Variants in FAM133A observed in about 807,000 individuals in gnomAD.
FAM133A encodes family with sequence similarity 133 member A, also known as protein FAM133A.
For missense variants in FAM133A, 159 were observed against 164.4 expected (o/e 0.97, Z 0.18); for synonymous variants, 65 against 58.6 (o/e 1.11, Z -0.50).
At chrX:93,702,153 C>T (rs938485525) in intron 3 of FAM133A, among the ~76,000 whole-genome samples, 1 of 111,625 alleles carries the variant, frequency 9.0e-6, no homozygotes, top group African/African-American at 3.3e-5. Context: ...ATTGAGAAGG[C>T]CTGGAAGAAA....
At chrX:93,689,056 T>A (rs1925726770) in intron 2 of FAM133A, among the ~76,000 whole-genome samples, 1 of 109,264 alleles carries the variant, frequency 9.2e-6, no homozygotes, top group Non-Finnish European at 1.9e-5. Flanking sequence ...AGCAATTTTT[T>A]TTTTTTTTTT....
chrX:93,706,371 C>A (rs1475659824), intron 3 of FAM133A, among the ~76,000 whole-genome samples: 2 of 111,555 alleles, frequency 1.8e-5, no homozygotes, highest in Non-Finnish European at 3.8e-5. Flanking sequence ...TCATTCACTG[C>A]CAACCCCTTG....
intron 2 of FAM133A, among the ~76,000 whole-genome samples, chrX:93,698,091 G>A (rs983731845): frequency 1.8e-5 from 2 of 111,166 alleles, no homozygotes; most frequent in Non-Finnish European, 3.8e-5. Flanking sequence ...GAAGGAATAC[G>A]TTAGGTAAAC....
intron 2 of FAM133A, among the ~76,000 whole-genome samples, chrX:93,697,190 T>TATATATATAA (rs1176351541): frequency 4.4e-4 from 43 of 97,834 alleles, no homozygotes; most frequent in East Asian, 2.9e-3. Flanking sequence ...TATATATATA[T>TATATATATAA]AATATATCAT....
intron 2 of FAM133A, among the ~76,000 whole-genome samples, chrX:93,686,578 C>A (rs1050306264): frequency 8.9e-6 from 1 of 111,892 alleles, no homozygotes; most frequent in Non-Finnish European, 1.9e-5. Flanking sequence ...ACTGAAGTAG[C>A]CCTGCAGACC....
chrX:93,709,727 G>A lies in FAM133A; in HGVS notation c.308G>A (p.Arg103Gln), dbSNP rs759646883. 28 of 1,193,861 alleles carry A rather than the reference G, an allele frequency of 2.3e-5. No individual in the cohort carries two copies. The highest frequency in any genetic ancestry group is 1.5e-4 in the South Asian group (8 of 53,904). The part of the protein sequence containing the change: ...RKKKRKKKSC[R>Q]SSSSSSSSDS... ...AAAAAGAGAAAGAAGAAATCTTGTC[G>A]GTCTTCATCTTCTTCATCAAGCTCT... The change falls in exon 4 of 4, where the codon CGG (arginine) becomes CAG (glutamine). Residue 103 changes from arginine to glutamine, a missense_variant. By Grantham distance (43) the Arg-to-Gln change is conservative. Coordinates refer to ENST00000683942, the MANE Select transcript of FAM133A (RefSeq NM_001171109.2).
At chrX:93,679,873 C>A (rs746256147) in intron 2 of FAM133A, among the ~76,000 whole-genome samples, 1 of 98,209 alleles carries the variant, frequency 1.0e-5, no homozygotes, top group South Asian at 5.0e-4. Context: ...CTCAGTCTCC[C>A]GTGTAGCTGG....
chrX:93,700,095 C>A (rs191060012), intron 3 of FAM133A, among the ~76,000 whole-genome samples: 2 of 109,393 alleles, frequency 1.8e-5, no homozygotes, highest in African/African-American at 6.6e-5. Flanking sequence ...AAGTTTTTTC[C>A]TAAAATAATT....
At position 93,688,676 on chromosome X, in the gene FAM133A, G is replaced by A. The variant is rs929382574; in HGVS notation, c.-192-9721G>A. ...ATGATGAATGAATGCAAGAATGTGA[G>A]TCATTAATTTAAATCAATATTAATT... is the stretch of plus-strand genomic sequence containing the variant. On this transcript the variant is annotated intron_variant, in intron 2 of 3. Transcript: ENST00000683942. Among the ~76,000 whole-genome samples, 11 of 111,228 alleles carry A rather than the reference G, an allele frequency of 9.9e-5. 1 individual carries two copies. Among genetic ancestry groups the A allele is most frequent in the African/African-American group, 3.6e-4 (11 of 30,616 alleles).
At chrX:93,708,807 T>C (rs771152864) in intron 3 of FAM133A, among the ~76,000 whole-genome samples, 6 of 111,553 alleles carry the variant, frequency 5.4e-5, no homozygotes, top group Non-Finnish European at 1.1e-4. Context: ...AGTGAATGGA[T>C]ATGAGGCCTA....
At chrX:93,706,985 C>A in intron 3 of FAM133A, among the ~76,000 whole-genome samples, 1 of 112,149 alleles carries the variant, frequency 8.9e-6, no homozygotes, top group East Asian at 2.8e-4. Flanking sequence ...CCGTTAGCTT[C>A]ACTGTAAATC....
intron 2 of FAM133A, among the ~76,000 whole-genome samples, chrX:93,684,131 C>A (rs1252368728): frequency 1.8e-5 from 2 of 111,747 alleles, no homozygotes; most frequent in Non-Finnish European, 3.8e-5. Flanking sequence ...GATTTATAGT[C>A]TTGTGTCTTA....
intron 2 of FAM133A, among the ~76,000 whole-genome samples, chrX:93,692,743 C>T (rs1370800800): frequency 9.0e-6 from 1 of 111,290 alleles, no homozygotes; most frequent in African/African-American, 3.3e-5. Context: ...TATGTAGTTA[C>T]TTGTGATTTA....
At chrX:93,674,136 G>A (rs1223495864), upstream of FAM133A, 2 of 110,961 alleles carry the variant, frequency 1.8e-5, no homozygotes, top group African/African-American at 6.6e-5. Flanking sequence ...AAAAAGGGGA[G>A]AGTCGGTTAT....
chrX:93,690,981 A>G (rs929448402), intron 2 of FAM133A, among the ~76,000 whole-genome samples: 3 of 111,765 alleles, frequency 2.7e-5, no homozygotes, highest in African/African-American at 9.7e-5. Context: ...GTTTTCTTTG[A>G]AGAAATATTT....
intron 3 of FAM133A, among the ~76,000 whole-genome samples, chrX:93,708,691 G>C (rs1927210004): frequency 8.9e-6 from 1 of 112,182 alleles, no homozygotes; most frequent in African/African-American, 3.2e-5. Flanking sequence ...CAAACACTAA[G>C]CAGTCCTTGA....
intron 3 of FAM133A, among the ~76,000 whole-genome samples, chrX:93,703,775 T>C (rs1926873359): frequency 8.9e-6 from 1 of 112,460 alleles, no homozygotes; most frequent in Non-Finnish European, 1.9e-5. Flanking sequence ...ATCACTTGCA[T>C]CTACAATATT....
chrX:93,679,747 CTTTTTTTTTTT>C (rs752855592), intron 2 of FAM133A, among the ~76,000 whole-genome samples: 10 of 58,765 alleles, frequency 1.7e-4, no homozygotes, highest in African/African-American at 7.4e-4. Flanking sequence ...TGAAATGTGT[CTTTTTTTTTTT>C]TTTTTTTTTG....
intron 2 of FAM133A, among the ~76,000 whole-genome samples, chrX:93,676,207 C>T (rs1429361192): frequency 5.4e-5 from 6 of 110,576 alleles, no homozygotes; most frequent in African/African-American, 2.0e-4. Flanking sequence ...ACTAATGAGT[C>T]GGTTTTAAGA....
Sources: gnomAD v4.1 joint callset for allele counts (sites outside exome capture counted in the v4.1 genomes callset) on GRCh38, gnomAD v4.1.1 for gene constraint, MANE v1.5 for transcripts, NCBI Gene and HGNC (gene_info 2026-07-23, HGNC 2026-07-21) for gene names.